BFSP1: variants seen among roughly 807,000 people sequenced by gnomAD.
BFSP1 encodes the protein beaded filament structural protein 1.
In BFSP1, 38 loss-of-function variants were observed where a neutral mutation model predicts 43.9. That is an observed-to-expected ratio of 0.87 (90% CI 0.67 to 1.14). The LOEUF (loss-of-function observed/expected upper bound fraction) is 1.14, where lower values mean the gene tolerates loss of function less well. Ranked by LOEUF, BFSP1 falls within the 50% of genes most tolerant of loss-of-function variation. The pLI, the probability that BFSP1 is intolerant of heterozygous loss-of-function variation, is 0.00. For missense variants in BFSP1, 850 were observed against 875.1 expected (o/e 0.97, Z 0.36); for synonymous variants, 352 against 354.8 (o/e 0.99, Z 0.09).
chr20:17,509,870 A>C (rs1447086180), intron 4 of BFSP1, among the ~76,000 whole-genome samples: 3 of 152,112 alleles, frequency 2.0e-5, no homozygotes, highest in African/African-American at 7.2e-5. Flanking sequence ...AAATATTCAA[A>C]TTGTTTCACA....
rs1444781541 is a variant in BFSP1 at position 17,494,836 on chromosome 20, A to C, written c.1236T>G (p.Phe412Leu). Residue 412 changes from phenylalanine to leucine, a missense_variant, in exon 8 of 8, where the codon TTT becomes TTG. Phe to Leu is a conservative substitution (Grantham distance 22). Transcript: ENST00000377873. ...VVLKEESESKFESESKEVSPL... is the reference protein window; with the variant it reads ...VVLKEESESKLESESKEVSPL... ...GACTTACTTCTTTACTTTCTGATTC[A>C]AACTTAGATTCACTTTCCTCTTTAA... The C allele has an allele frequency of 6.2e-7, 1 of 1,614,168 alleles. No individual in the cohort carries two copies. Among genetic ancestry groups the C allele is most frequent in the Admixed American group, 1.7e-5 (1 of 60,026 alleles).
Position 17,514,635 on chromosome 20 carries a change from C to A in BFSP1, c.534+86G>T, listed in dbSNP as rs892042383. ...CACAAAGGTATGCCACTCTAGCAGTCTGTTTTCAGCCACAGTACCCTCGGC... is the reference window on the plus strand; with the variant it reads ...CACAAAGGTATGCCACTCTAGCAGTATGTTTTCAGCCACAGTACCCTCGGC... On this transcript the variant is annotated intron_variant, in intron 3 of 7. Transcript: ENST00000377873. 1.5e-5 allele frequency: 20 copies of A among 1,327,698 alleles called. No homozygotes were observed. The African/African-American group carries it at 2.6e-4, about 17-fold the overall frequency. The allele number at this position is 1,327,698 out of a possible 1,614,324, so 82.2% of individuals were successfully genotyped here. A position where few individuals can be genotyped will look rare whatever the true frequency, so the allele number is the denominator to read the frequency against.
chr20:17,531,643 C>A, upstream of BFSP1, among the ~76,000 whole-genome samples: 1 of 152,304 alleles, frequency 6.6e-6, no homozygotes, highest in Middle Eastern at 3.4e-3. Flanking sequence ...GACACGGGAG[C>A]CATGACGCTC....
chr20:17,524,798 A>T (rs2034385406), intron 2 of BFSP1, 50 bp downstream of exon 2: 2 of 1,581,542 alleles, frequency 1.3e-6, no homozygotes, highest in Non-Finnish European at 1.7e-6. Flanking sequence ...CCACCATTCC[A>T]TTCAACACTG....
chr20:17,497,447 T>TATATAC lies in BFSP1; in HGVS notation c.957-425_957-424insGTATAT, dbSNP rs1387523347. Among the ~76,000 whole-genome samples the TATATAC allele has an allele frequency of 1.7e-3, 35 of 20,294 alleles. No individual in the cohort carries two copies. The African/African-American group carries it at 0.019, about 11-fold the overall frequency. The allele number at this position is 20,294 out of a possible 152,430, so 13.3% of individuals were successfully genotyped here. A position where few individuals can be genotyped will look rare whatever the true frequency, so the allele number is the denominator to read the frequency against. On this transcript the variant is annotated intron_variant, in intron 6 of 7. Coordinates refer to ENST00000377873, the MANE Select transcript of BFSP1 (RefSeq NM_001195.5). ...TAAGATATATGTATATATACGTGTA[T>TATATAC]GTATATATATATACACACACACACG...
In BFSP1 at chr20:17,499,560, T is replaced by C. The variant is rs114899043; in HGVS notation, c.736-520A>G. On this transcript the variant is annotated intron_variant, in intron 5 of 7. Transcript: ENST00000377873. ...CCGCACCCAGCCCTTCTTGCACTAA[T>C]ATCAGCACCCTCTGCAATTAGTCCA... is the stretch of plus-strand genomic sequence containing the variant. 5.4e-3 allele frequency among the ~76,000 whole-genome samples: 818 copies of C among 152,162 alleles called. 8 individuals carry two copies. The highest frequency in any genetic ancestry group is 0.019 in the African/African-American group (780 of 41,518).
At chr20:17,555,384 G>T (rs2034975451) in intron 1 of BFSP1, among the ~76,000 whole-genome samples, 2 of 151,980 alleles carry the variant, frequency 1.3e-5, no homozygotes, top group Admixed American at 1.3e-4. Context: ...CGGCAGTGGT[G>T]GTTCATGCCT....
chr20:17,510,110 T>TA (rs1267348641), intron 4 of BFSP1, among the ~76,000 whole-genome samples: 1 of 152,208 alleles, frequency 6.6e-6, no homozygotes, highest in African/African-American at 2.4e-5. Context: ...CATAAAGATG[T>TA]GACACTTTCT....
At position 17,494,074 on chromosome 20, in the gene BFSP1, T is replaced by G. The variant is rs747502717; in HGVS notation, c.1998A>C (p.Ter666TyrextTer5). The G allele has an allele frequency of 1.8e-5, 29 of 1,608,806 alleles. No individual in the cohort carries two copies. Among genetic ancestry groups the G allele is most frequent in the Non-Finnish European group, 2.5e-5 (29 of 1,176,972 alleles). The change falls in exon 8 of 8, where the codon TAA (stop) becomes TAC (tyrosine). Residue 666 changes from the stop codon to tyrosine (Y), a stop_lost. Transcript: ENST00000377873. ...DKKKSGEKSS[*>Y] ...TTTTATCCCATCAAGCCTGGGCATTTTAAGAGCTCTTCTCTCCTGATTTCT... is the reference window on the plus strand; with the variant it reads ...TTTTATCCCATCAAGCCTGGGCATTGTAAGAGCTCTTCTCTCCTGATTTCT...
intron 1 of BFSP1, among the ~76,000 whole-genome samples, chr20:17,539,446 A>G (rs542717383): frequency 1.3e-5 from 2 of 152,204 alleles, no homozygotes; most frequent in East Asian, 1.9e-4. Flanking sequence ...ATACATTCAT[A>G]TATTCATAGA....
At chr20:17,535,111 T>A (rs1202421519), upstream of BFSP1, among the ~76,000 whole-genome samples, 1 of 152,180 alleles carries the variant, frequency 6.6e-6, no homozygotes, top group Non-Finnish European at 1.5e-5. Context: ...TATCACTAGG[T>A]TCATTAACAA....
intron 1 of BFSP1, among the ~76,000 whole-genome samples, chr20:17,566,856 C>T (rs1242361242): frequency 6.6e-6 from 1 of 152,064 alleles, no homozygotes; most frequent in Non-Finnish European, 1.5e-5. Context: ...GTTTCACCAT[C>T]TTGGCCAGCC....
intron 1 of BFSP1, among the ~76,000 whole-genome samples, chr20:17,543,588 C>T (rs1478995499): frequency 6.6e-6 from 1 of 152,098 alleles, no homozygotes; most frequent in African/African-American, 2.4e-5. Context: ...TGGCATGTGA[C>T]TCAGATTTCC....
intron 2 of BFSP1, among the ~76,000 whole-genome samples, chr20:17,515,040 C>A (rs2034168945): frequency 6.6e-6 from 1 of 152,158 alleles, no homozygotes; most frequent in African/African-American, 2.4e-5. Context: ...ATTTTGCCCC[C>A]CAAGGGGACA....
At position 17,524,923 on chromosome 20, in the gene BFSP1, C is replaced by T. The variant is rs372336595; in HGVS notation, c.378-15G>A. On this transcript the variant is annotated splice_polypyrimidine_tract_variant and intron_variant, in intron 1 of 7. Transcript: ENST00000377873. Reference sequence around the variant, plus strand: ...CATTTTCATACCTGCAAATTGGACACATAAGTGAGAGTTGGGTAACTACCA... The same window carrying T: ...CATTTTCATACCTGCAAATTGGACATATAAGTGAGAGTTGGGTAACTACCA... 36 of 1,610,014 alleles carry T rather than the reference C, an allele frequency of 2.2e-5. No individual in the cohort carries two copies. The African/African-American group carries it at 4.0e-4, about 18-fold the overall frequency.
rs1223077617 is a variant in BFSP1 at position 17,525,804 on chromosome 20, A to AT, written c.378-897dup. Among the ~76,000 whole-genome samples, 1 of 152,052 alleles carries AT rather than the reference A, an allele frequency of 6.6e-6. No individual in the cohort carries two copies. The highest frequency in any genetic ancestry group is 1.5e-5 in the Non-Finnish European group (1 of 67,990). On this transcript the variant is annotated intron_variant, in intron 1 of 7. Transcript: ENST00000377873. The surrounding 1 kb of genome is among the most constrained non-coding windows in gnomAD (Gnocchi z 4.2). Reference sequence around the variant, plus strand: ...CAGGACTGCCTAGAAGGGAGACTACATTTTCCAGCATTCCTTGCAGCCAGG... The same window carrying AT: ...CAGGACTGCCTAGAAGGGAGACTACATTTTTCCAGCATTCCTTGCAGCCAGG...
At chr20:17,566,967 A>G (rs1308699251) in intron 1 of BFSP1, among the ~76,000 whole-genome samples, 3 of 152,068 alleles carry the variant, frequency 2.0e-5, no homozygotes, top group Admixed American at 1.3e-4. Context: ...CCTCTTTTAT[A>G]AGGGCACTAA....
rs1341492361 is a variant in BFSP1, at chr20:17,494,235, G to A, written c.1837C>T (p.Pro613Ser). 5.0e-6 allele frequency: 8 copies of A among 1,614,002 alleles called. No individual in the cohort carries two copies. The African/African-American group carries it at 1.1e-4, about 22-fold the overall frequency. The change falls in exon 8 of 8, where the codon CCT (proline) becomes TCT (serine). Residue 613 changes from proline (P) to serine (S), a missense_variant. Physicochemically the swap from Pro to Ser is moderately conservative, Grantham distance 74. Coordinates refer to ENST00000377873, the MANE Select transcript of BFSP1 (RefSeq NM_001195.5). ...GTCTTATAGGCCAAAGCCTTGGGAG[G>A]GCCTTTTTCTGGCAGGCTTCTGCTC... The part of the protein sequence containing the change: ...TRSRSLPEKG[P>S]PKALAYKTVE...
chr20:17,507,268 GGTAGGT>G lies in BFSP1; in HGVS notation c.735+1615_735+1620del, dbSNP rs199568798. ...CATTGCGAGCCATACACATCAGATA[GGTAGGT>G]GTGTGTGTGTGTGTGTGTGTGTGTG... is the stretch of plus-strand genomic sequence containing the variant. On this transcript the variant is annotated intron_variant, in intron 5 of 7. Coordinates refer to ENST00000377873, the MANE Select transcript of BFSP1 (RefSeq NM_001195.5). The surrounding 1 kb of genome is among the most constrained non-coding windows in gnomAD (Gnocchi z 4.4). Among the ~76,000 whole-genome samples the G allele has an allele frequency of 0.011, 1,469 of 137,904 alleles. 22 individuals are homozygous for G. Among genetic ancestry groups the G allele is most frequent in the African/African-American group, 0.043 (1,368 of 32,152 alleles). 90.5% of individuals were successfully genotyped at this position (137,904 alleles called of 152,430 possible). A position where few individuals can be genotyped will look rare whatever the true frequency, so the allele number is the denominator to read the frequency against.
Sources: gnomAD v4.1 joint callset for allele counts (sites outside exome capture counted in the v4.1 genomes callset) on GRCh38, gnomAD v4.1.1 for gene constraint, Gnocchi (gnomAD v3.1) non-coding constraint, MANE v1.5 for transcripts, NCBI Gene and HGNC (gene_info 2026-07-23, HGNC 2026-07-21) for gene names.